Variants in NLRP8 observed in about 807,000 individuals in gnomAD.
NLRP8 encodes NACHT, LRR and PYD domains-containing protein 8.
In NLRP8, 86 loss-of-function variants were observed where a neutral mutation model predicts 88.7. The ratio of observed to expected loss-of-function variants is 0.97; its 90% confidence interval spans 0.81 to 1.16. The LOEUF is 1.16. Ranked by LOEUF, NLRP8 falls within the 50% of genes most tolerant of loss-of-function variation. The pLI is 0.00. For missense variants in NLRP8, 1,342 were observed against 1,286.5 expected (o/e 1.04, Z -0.66); for synonymous variants, 504 against 494.6 (o/e 1.02, Z -0.25).
intron 2 of NLRP8, among the ~76,000 whole-genome samples, chr19:55,953,494 C>G (rs551244389): frequency 7.0e-6 from 1 of 142,632 alleles, no homozygotes; most frequent in Non-Finnish European, 1.5e-5. Context: ...TTCTTTCTTT[C>G]TTTCTTTCTT....
At chr19:55,964,192 C>T (rs1393592223) in intron 4 of NLRP8, among the ~76,000 whole-genome samples, 2 of 152,218 alleles carry the variant, frequency 1.3e-5, no homozygotes, top group Non-Finnish European at 2.9e-5. Flanking sequence ...ATTTTCTCTC[C>T]TATTATTGTG....
rs1235139209 is a variant in NLRP8 at position 55,981,159 on chromosome 19, T to G, written c.3047+1595T>G. On this transcript the variant is annotated intron_variant, in intron 9 of 9. Transcript: ENST00000291971. ...GATAATACAGGACTGGAATTCTTAG[T>G]GCTGTGATGAAGCAATAGAGATGAA... 6.6e-6 allele frequency among the ~76,000 whole-genome samples: 1 copy of G among 152,038 alleles called. No homozygotes were observed. Among genetic ancestry groups the G allele is most frequent in the African/African-American group, 2.4e-5 (1 of 41,402 alleles).
At chr19:55,965,442 C>G (rs559962316) in intron 4 of NLRP8, among the ~76,000 whole-genome samples, 133 of 150,160 alleles carry the variant, frequency 8.9e-4, no homozygotes, top group African/African-American at 3.2e-3. Context: ...CAGAGTGAGA[C>G]TCCATCTCAC....
At chr19:55,964,569 C>T (rs1300909335) in intron 4 of NLRP8, among the ~76,000 whole-genome samples, 10 of 151,826 alleles carry the variant, frequency 6.6e-5, no homozygotes, top group Non-Finnish European at 1.3e-4. Context: ...CTGGGCAACA[C>T]GGTGAAACCC....
chr19:55,955,966 T>C lies in NLRP8; in HGVS notation c.1908T>C (p.Ile636=). ...ATTATCATAAAGTTGTCTTGAGAAT[T>C]GGCAACAACAAAGAAGTTCAAGTGT... The change falls in exon 3 of 10, where the codon ATT becomes ATC. Residue 636 remains isoleucine (I), a synonymous_variant. Coordinates refer to ENST00000291971, the MANE Select transcript of NLRP8 (RefSeq NM_176811.2). 1 of 1,614,164 alleles carries C rather than the reference T, an allele frequency of 6.2e-7. No homozygotes were observed. The highest frequency in any genetic ancestry group is 1.3e-5 in the African/African-American group (1 of 75,046).
chr19:55,970,397 G>T, intron 5 of NLRP8, 147 bp from the exon 6 acceptor site: 2 of 811,730 alleles, frequency 2.5e-6, no homozygotes, highest in Non-Finnish European at 1.9e-6. Context: ...TCCTGAGCTT[G>T]GTGCAGGTGT....
At chr19:55,986,511 A>ACAAAT (rs1568472101) in intron 9 of NLRP8, among the ~76,000 whole-genome samples, 14 of 90,848 alleles carry the variant, frequency 1.5e-4, no homozygotes, top group African/African-American at 6.2e-4. Context: ...CACACACACT[A>ACAAAT]ATTGCTTCAG....
At position 55,955,550 on chromosome 19, in the gene NLRP8, G is replaced by A. The variant is rs762702169; in HGVS notation, c.1492G>A (p.Gly498Ser). The change falls in exon 3 of 10, where the codon GGT becomes AGT. Residue 498 changes from glycine to serine, a missense_variant. Transcript: ENST00000291971. ...CATGAGTATTCTTCGGAGAATTGCA[G>A]GTGAGGAAGACCACTATGTCTTTAC... 3.7e-6 allele frequency: 6 copies of A among 1,614,198 alleles called. No homozygotes were observed. In the Admixed American group the frequency reaches 1.0e-4, roughly 27 times the overall value.
Position 55,987,950 on chromosome 19 carries a change from A to G in NLRP8, c.*37A>G. 1 of 1,489,708 alleles carries G rather than the reference A, an allele frequency of 6.7e-7. No individual in the cohort carries two copies. Among genetic ancestry groups the G allele is most frequent in the Non-Finnish European group, 9.4e-7 (1 of 1,066,874 alleles). The allele number at this position is 1,489,708 out of a possible 1,614,324, so 92.3% of individuals were successfully genotyped here. On this transcript the variant is annotated 3_prime_UTR_variant, in exon 10 of 10. Coordinates refer to ENST00000291971, the MANE Select transcript of NLRP8 (RefSeq NM_176811.2). ...ATCTTTCTCTGGGGCTTGATTGATC[A>G]GTTCCCACTCTGACAACTGGCAAAT...
At chr19:55,962,353 C>T in intron 4 of NLRP8, 116 bp downstream of exon 4, 5 of 1,133,884 alleles carry the variant, frequency 4.4e-6, no homozygotes, top group Non-Finnish European at 4.9e-6. Context: ...CCATGTCCAG[C>T]CTTGGACGGA....
At chr19:55,980,944 C>G (rs1330894092) in intron 9 of NLRP8, among the ~76,000 whole-genome samples, 115 bp from the exon 10 acceptor site, 1 of 152,064 alleles carries the variant, frequency 6.6e-6, no homozygotes, top group Non-Finnish European at 1.5e-5. Context: ...CTGCATGGGG[C>G]CATGGTGGTC....
At chr19:55,954,139 G>T (rs1223103820) in intron 2 of NLRP8, among the ~76,000 whole-genome samples, 1 of 152,014 alleles carries the variant, frequency 6.6e-6, no homozygotes, top group African/African-American at 2.4e-5. Context: ...AGATAACACG[G>T]CTAACACTAC....
intron 6 of NLRP8, among the ~76,000 whole-genome samples, chr19:55,972,538 G>T (rs2123215927): frequency 1.3e-5 from 2 of 152,032 alleles, no homozygotes; most frequent in African/African-American, 4.8e-5. Flanking sequence ...CATCCGAGCA[G>T]TGTACACTGT....
At chr19:55,976,374 A>G in intron 8 of NLRP8, 71 bp downstream of exon 8, 4 of 1,298,628 alleles carry the variant, frequency 3.1e-6, no homozygotes, top group Non-Finnish European at 4.1e-6. Flanking sequence ...GATGGAATAT[A>G]TAACAGGAAA....
rs1491285893 is a variant in NLRP8 at position 55,988,444 on chromosome 19, G to GTGTATA, written c.*532_*533insGTATAT. 1 of 106,488 alleles carries GTGTATA rather than the reference G, an allele frequency of 9.4e-6. No individual in the cohort carries two copies. Among genetic ancestry groups the GTGTATA allele is most frequent in the Middle Eastern group, 4.4e-3 (1 of 228 alleles). The allele number at this position is 106,488 out of a possible 1,614,324, so 6.6% of individuals were successfully genotyped here. ...CACATAAATATATATATGTGTGTGT[G>GTGTATA]TATATATATATATATATATATATAT... On this transcript the variant is annotated 3_prime_UTR_variant, in exon 10 of 10. Transcript: ENST00000291971.
intron 2 of NLRP8, among the ~76,000 whole-genome samples, chr19:55,953,273 CGGGAAAACAAGCTCA>C (rs1253290384): frequency 6.6e-6 from 1 of 152,022 alleles, no homozygotes; most frequent in Middle Eastern, 3.2e-3. Flanking sequence ...CATCGAGTTG[CGGGAAAACAAGCTCA>C]GGGCTCCCAG....
chr19:55,952,561 G>A lies in NLRP8; in HGVS notation c.391G>A (p.Glu131Lys). Reference sequence around the variant, plus strand: ...AGCCATTCTGCCTACCTTGGAACCAGAGGACTTGAATGTGGGAGAAACACA... The same window carrying A: ...AGCCATTCTGCCTACCTTGGAACCAAAGGACTTGAATGTGGGAGAAACACA... The change falls in exon 2 of 10, where the codon GAG becomes AAG. Residue 131 changes from glutamate (E) to lysine (K), a missense_variant. Coordinates refer to ENST00000291971, the MANE Select transcript of NLRP8 (RefSeq NM_176811.2). The A allele has an allele frequency of 1.2e-6, 2 of 1,614,048 alleles. No individual in the cohort carries two copies. Among genetic ancestry groups the A allele is most frequent in the Non-Finnish European group, 1.7e-6 (2 of 1,179,958 alleles).
chr19:55,964,234 C>T (rs934589023), intron 4 of NLRP8, among the ~76,000 whole-genome samples: 1 of 152,190 alleles, frequency 6.6e-6, no homozygotes, highest in Non-Finnish European at 1.5e-5. Flanking sequence ...TTACTGAGTG[C>T]GTACTATGTG....
At chr19:55,979,661 G>T in intron 9 of NLRP8, 97 bp downstream of exon 9, 1 of 1,323,002 alleles carries the variant, frequency 7.6e-7, no homozygotes, top group South Asian at 1.3e-5. Flanking sequence ...GTGCATGCCT[G>T]TAATCCCAGC....
Sources: gnomAD v4.1 joint callset for allele counts (sites outside exome capture counted in the v4.1 genomes callset) on GRCh38, gnomAD v4.1.1 for gene constraint, MANE v1.5 for transcripts, NCBI Gene and HGNC (gene_info 2026-07-23, HGNC 2026-07-21) for gene names.